The following GALNT14 variants were observed in gnomAD, a reference collection of about 807,000 sequenced individuals.
GALNT14 encodes UDP-GalNAc:polypeptide N-acetylgalactosaminyltransferase 14.
A neutral mutation model predicts 77.5 loss-of-function variants in GALNT14; 60 were observed. The observed-to-expected ratio is 0.77, with a 90% CI of 0.63 to 0.96. The LOEUF is 0.96. Ranked by LOEUF, GALNT14 falls within the 40% of genes least tolerant of loss-of-function variation. The pLI is 0.00. For missense variants in GALNT14, 710 were observed against 731.0 expected (o/e 0.97, Z 0.33); for synonymous variants, 280 against 281.7 (o/e 0.99, Z 0.06).
At chr2:30,958,668 A>G (rs1340486468) in intron 3 of GALNT14, among the ~76,000 whole-genome samples, 1 of 152,124 alleles carries the variant, frequency 6.6e-6, no homozygotes, top group Non-Finnish European at 1.5e-5. Context: ...CACCACCCGC[A>G]AAGCCACCCA....
rs1000808118 is a variant in GALNT14 at position 31,094,633 on chromosome 2, T to C, written c.129+43325A>G. ...GCCAGACTTCACCACTAGCCAAGTG[T>C]TGCTCAGCTTCTTCTCTCCTCTCCC... is the stretch of plus-strand genomic sequence containing the variant. On this transcript the variant is annotated intron_variant, in intron 1 of 14. Coordinates refer to ENST00000349752, the MANE Select transcript of GALNT14 (RefSeq NM_024572.4). Among the ~76,000 whole-genome samples the C allele has an allele frequency of 2.6e-5, 4 of 152,222 alleles. No individual in the cohort carries two copies. The South Asian group carries it at 6.2e-4, about 24-fold the overall frequency.
chr2:30,896,718 G>A, the GALNT14 span, among the ~76,000 whole-genome samples: 2 of 152,224 alleles, frequency 1.3e-5, no homozygotes, highest in East Asian at 3.9e-4. Flanking sequence ...TTAAGTATGG[G>A]TGCCATGAAG....
intron 9 of GALNT14, among the ~76,000 whole-genome samples, chr2:30,935,646 G>A (rs1417347751): frequency 6.6e-6 from 1 of 152,180 alleles, no homozygotes; most frequent in African/African-American, 2.4e-5. Context: ...TGATTTATAG[G>A]GATGACAGTG....
At chr2:31,061,873 T>A (rs1225898024) in intron 1 of GALNT14, among the ~76,000 whole-genome samples, 1 of 152,162 alleles carries the variant, frequency 6.6e-6, no homozygotes, top group Non-Finnish European at 1.5e-5. Flanking sequence ...CATTACCACA[T>A]CTTATAACCC....
At chr2:31,075,321 C>T (rs1275262131) in intron 1 of GALNT14, among the ~76,000 whole-genome samples, 5 of 152,156 alleles carry the variant, frequency 3.3e-5, no homozygotes, top group African/African-American at 1.2e-4. Flanking sequence ...TATAAAGTGC[C>T]CAGTCTCAGG....
intron 1 of GALNT14, among the ~76,000 whole-genome samples, chr2:30,993,962 G>A (rs924474123): frequency 6.6e-6 from 1 of 152,206 alleles, no homozygotes; most frequent in Non-Finnish European, 1.5e-5. Context: ...AGCAGGAGGT[G>A]TGGACTTCAA....
chr2:30,985,334 C>A (rs1442321247), intron 2 of GALNT14, among the ~76,000 whole-genome samples: 1 of 152,038 alleles, frequency 6.6e-6, no homozygotes, highest in Non-Finnish European at 1.5e-5. Context: ...CCCTGAAACT[C>A]AAAAAAACAG....
chr2:30,933,029 G>A (rs1407599685), intron 9 of GALNT14, among the ~76,000 whole-genome samples: 4 of 152,070 alleles, frequency 2.6e-5, no homozygotes, highest in Non-Finnish European at 5.9e-5. Context: ...ATTTCTCCCC[G>A]GGACTGTACC....
chr2:30,969,844 G>A (rs1201907713), intron 2 of GALNT14, among the ~76,000 whole-genome samples: 1 of 152,164 alleles, frequency 6.6e-6, no homozygotes, highest in Non-Finnish European at 1.5e-5. Flanking sequence ...CCTGCTAAAT[G>A]CTCTCACAGC....
At chr2:31,019,447 G>C (rs1018637970) in intron 1 of GALNT14, among the ~76,000 whole-genome samples, 2 of 152,042 alleles carry the variant, frequency 1.3e-5, no homozygotes, top group East Asian at 3.9e-4. Flanking sequence ...GGGGACTTGG[G>C]CTCATTCATT....
intron 9 of GALNT14, among the ~76,000 whole-genome samples, chr2:30,935,609 C>A (rs1337665584): frequency 6.6e-6 from 1 of 152,146 alleles, no homozygotes; most frequent in Non-Finnish European, 1.5e-5. Flanking sequence ...CTGAGGGATG[C>A]GGCTTGGAGT....
At chr2:31,066,149 C>T (rs1674942038) in intron 1 of GALNT14, among the ~76,000 whole-genome samples, 1 of 152,184 alleles carries the variant, frequency 6.6e-6, no homozygotes, top group Non-Finnish European at 1.5e-5. Flanking sequence ...GCCCTGTTGC[C>T]CCTTTCCATC....
intron 1 of GALNT14, among the ~76,000 whole-genome samples, chr2:31,012,262 G>T (rs1051052748): frequency 1.3e-5 from 2 of 152,134 alleles, no homozygotes; most frequent in South Asian, 4.1e-4. Flanking sequence ...CTTTTGGTCT[G>T]GCTTAACCCT....
At chr2:31,072,235 T>G (rs1374702287) in intron 1 of GALNT14, among the ~76,000 whole-genome samples, 1 of 151,662 alleles carries the variant, frequency 6.6e-6, no homozygotes, top group Non-Finnish European at 1.5e-5. Context: ...CTCCACTGTG[T>G]GTATGTCTCC....
chr2:30,921,108 T>C (rs931816675), intron 13 of GALNT14, among the ~76,000 whole-genome samples: 3 of 152,144 alleles, frequency 2.0e-5, no homozygotes, highest in African/African-American at 7.2e-5. Flanking sequence ...GGATGGGCAC[T>C]ATTACCTTCT....
intron 1 of GALNT14, among the ~76,000 whole-genome samples, chr2:31,051,583 C>T (rs11895540): frequency 0.74 from 112,940 of 151,986 alleles, 42,259 homozygotes; most frequent in East Asian, 0.99. Flanking sequence ...GTTGCCAGTC[C>T]CCACAATTGC....
chr2:30,895,138 T>C, the GALNT14 span, among the ~76,000 whole-genome samples: 1 of 152,212 alleles, frequency 6.6e-6, no homozygotes, highest in Non-Finnish European at 1.5e-5. Flanking sequence ...TGGAAGCAGA[T>C]GAAGGAGCAG....
intron 7 of GALNT14, 133 bp downstream of exon 7, chr2:30,945,641 GCTAAGGTAA>G: frequency 1.4e-6 from 1 of 691,598 alleles, no homozygotes; most frequent in Non-Finnish European, 2.5e-6. Flanking sequence ...TAAGGGCCAA[GCTAAGGTAA>G]TTATAGTGCA....
At chr2:31,123,079 G>T (rs866995791) in intron 1 of GALNT14, among the ~76,000 whole-genome samples, 1 of 151,794 alleles carries the variant, frequency 6.6e-6, no homozygotes, top group African/African-American at 2.4e-5. Context: ...CTACTCGGGA[G>T]GCTGAGGTAG....
Sources: gnomAD v4.1 joint callset for allele counts (sites outside exome capture counted in the v4.1 genomes callset) on GRCh38, gnomAD v4.1.1 for gene constraint, MANE v1.5 for transcripts, NCBI Gene and HGNC (gene_info 2026-07-23, HGNC 2026-07-21) for gene names.